Variants in LRRC37A2 observed in about 807,000 individuals in gnomAD.
The protein encoded by LRRC37A2 is leucine-rich repeat-containing protein 37A2.
Under a neutral mutation model 68.8 loss-of-function variants are expected in LRRC37A2, and 9 were observed. The observed-to-expected ratio is 0.13, with a 90% CI of 0.08 to 0.23. LRRC37A2 has a LOEUF of 0.23. LRRC37A2 is among the 10% of genes least tolerant of loss of function. LRRC37A2 has a pLI of 1.00. For synonymous variants in LRRC37A2, 63 were observed against 367.6 expected (o/e 0.17, Z 9.48); for missense variants, 168 against 950.4 (o/e 0.18, Z 10.82).
At chr17:46,852,520 G>A in the LRRC37A2 span, among the ~76,000 whole-genome samples, 16 of 151,326 alleles carry the variant, frequency 1.1e-4, no homozygotes, top group Admixed American at 5.9e-4. Context: ...GGAGAGAGCC[G>A]GACAGGAACT....
chr17:46,939,267 T>C, the LRRC37A2 span: 2 of 1,035,472 alleles, frequency 1.9e-6, no homozygotes, highest in South Asian at 7.4e-5. Context: ...CACCCTCCCC[T>C]GTGCCTCAGT....
At chr17:46,539,768 C>CAA (rs1204528686) in intron 6 of LRRC37A2, among the ~76,000 whole-genome samples, 14 of 67,030 alleles carry the variant, frequency 2.1e-4, no homozygotes, top group Non-Finnish European at 1.1e-4. Flanking sequence ...GACTCCATCT[C>CAA]AAAAAAAAAA....
chr17:46,709,892 G>A, the LRRC37A2 span, among the ~76,000 whole-genome samples: 9 of 152,280 alleles, frequency 5.9e-5, no homozygotes, highest in Non-Finnish European at 1.2e-4. Context: ...GCCAAAGAAT[G>A]AGAACCTTCC....
At chr17:46,723,880 G>A in the LRRC37A2 span, among the ~76,000 whole-genome samples, 1 of 152,086 alleles carries the variant, frequency 6.6e-6, no homozygotes, top group Non-Finnish European at 1.5e-5. Flanking sequence ...TAAAACATAA[G>A]CCTGACATGT....
At chr17:46,855,839 C>T in the LRRC37A2 span, among the ~76,000 whole-genome samples, 2 of 152,118 alleles carry the variant, frequency 1.3e-5, no homozygotes, top group Non-Finnish European at 2.9e-5. Context: ...GCTGAGATTG[C>T]AGGCATGTGC....
the LRRC37A2 span, among the ~76,000 whole-genome samples, chr17:46,727,156 T>A: frequency 6.6e-6 from 1 of 152,136 alleles, no homozygotes; most frequent in African/African-American, 2.4e-5. Context: ...CTTGAAAAAA[T>A]TTTGTAAGTT....
At chr17:47,029,939 T>G in the LRRC37A2 span, among the ~76,000 whole-genome samples, 1 of 151,756 alleles carries the variant, frequency 6.6e-6, no homozygotes, top group African/African-American at 2.4e-5. Context: ...GGCAGGCAAC[T>G]GTAATCCTAA....
chr17:46,986,024 T>G, the LRRC37A2 span, among the ~76,000 whole-genome samples: 5 of 152,206 alleles, frequency 3.3e-5, no homozygotes, highest in Non-Finnish European at 7.3e-5. Context: ...GGATAAATAG[T>G]TCTGCGAGGT....
the LRRC37A2 span, among the ~76,000 whole-genome samples, chr17:46,840,746 T>C: frequency 6.6e-6 from 1 of 152,270 alleles, no homozygotes; most frequent in Non-Finnish European, 1.5e-5. Flanking sequence ...ATTTCTCTGA[T>C]GACCAGTGAT....
chr17:46,822,403 C>T, the LRRC37A2 span, among the ~76,000 whole-genome samples: 7 of 152,238 alleles, frequency 4.6e-5, no homozygotes, highest in Non-Finnish European at 1.0e-4. Flanking sequence ...CTGACCTGCA[C>T]CGAGTAAGCG....
the LRRC37A2 span, among the ~76,000 whole-genome samples, chr17:46,948,387 T>C: frequency 2.0e-5 from 3 of 152,246 alleles, no homozygotes; most frequent in African/African-American, 7.2e-5. Flanking sequence ...GCTGGTGTGA[T>C]TGTGAGTCAA....
At chr17:46,799,525 G>C in the LRRC37A2 span, among the ~76,000 whole-genome samples, 3 of 147,346 alleles carry the variant, frequency 2.0e-5, no homozygotes, top group Non-Finnish European at 3.0e-5. Context: ...TCAGCTAACT[G>C]CAACCTCCGC....
chr17:46,866,613 T>G, the LRRC37A2 span, among the ~76,000 whole-genome samples: 1 of 150,914 alleles, frequency 6.6e-6, no homozygotes, highest in African/African-American at 2.4e-5. Context: ...TCTGATGGGG[T>G]TTTTCAGGGT....
the LRRC37A2 span, among the ~76,000 whole-genome samples, chr17:46,863,601 T>C: frequency 6.6e-6 from 1 of 152,144 alleles, no homozygotes; most frequent in Non-Finnish European, 1.5e-5. Context: ...CATCACAGCA[T>C]ACTAGAGCTG....
chr17:46,972,921 A>C, the LRRC37A2 span: 1 of 153,860 alleles, frequency 6.5e-6, no homozygotes, highest in Non-Finnish European at 1.5e-5. Flanking sequence ...TGGCACTGAC[A>C]TGCAAACCTA....
At chr17:47,008,617 T>G in the LRRC37A2 span, among the ~76,000 whole-genome samples, 1 of 151,814 alleles carries the variant, frequency 6.6e-6, no homozygotes, top group Non-Finnish European at 1.5e-5. Context: ...CCACCATGCC[T>G]GGCTAGTTTT....
the LRRC37A2 span, among the ~76,000 whole-genome samples, chr17:46,793,055 A>G: frequency 6.6e-6 from 1 of 151,638 alleles, no homozygotes; most frequent in Non-Finnish European, 1.5e-5. Flanking sequence ...ACTTGAGCTC[A>G]GGTGTTCAAG....
chr17:46,763,018 G>C, the LRRC37A2 span: 1 of 152,150 alleles, frequency 6.6e-6, no homozygotes, highest in Non-Finnish European at 1.5e-5. Flanking sequence ...CTTGGCGGAG[G>C]GGGTGAGATG....
chr17:46,493,973 T>C, the LRRC37A2 span, among the ~76,000 whole-genome samples: 1 of 151,056 alleles, frequency 6.6e-6, no homozygotes, highest in East Asian at 1.9e-4. Context: ...GCCTCCGAAG[T>C]AGTTAGGACC....
Sources: gnomAD v4.1 joint callset for allele counts (sites outside exome capture counted in the v4.1 genomes callset) on GRCh38, gnomAD v4.1.1 for gene constraint, MANE v1.5 for transcripts, NCBI Gene and HGNC (gene_info 2026-07-23, HGNC 2026-07-21) for gene names.